The following LMBR1 variants were observed in gnomAD, a reference collection of about 807,000 sequenced individuals.
LMBR1 encodes limb region 1 protein homolog.
In LMBR1, 52 loss-of-function variants were observed where a neutral mutation model predicts 73.9. The ratio of observed to expected loss-of-function variants is 0.70; its 90% CI spans 0.56 to 0.89. The LOEUF (loss-of-function observed/expected upper bound fraction) is 0.89, where lower values mean the gene tolerates loss of function less well. LMBR1 is among the 40% of genes least tolerant of loss of function. The probability of loss-of-function intolerance (pLI) is 0.00; values close to 1 mark genes in which losing one functional copy is unlikely to be tolerated. For missense variants in LMBR1, 539 were observed against 579.8 expected (o/e 0.93, Z 0.72); for synonymous variants, 215 against 209.4 (o/e 1.03, Z -0.23).
At chr7:156,803,227 G>C (rs1044364069) in intron 4 of LMBR1, among the ~76,000 whole-genome samples, 1 of 151,940 alleles carries the variant, frequency 6.6e-6, no homozygotes, top group Non-Finnish European at 1.5e-5. Context: ...TTACAAAATG[G>C]GAGAAAATTT....
At chr7:156,855,666 C>CAAAAAAAAAAAAAAAAAA (rs35231167) in intron 1 of LMBR1, among the ~76,000 whole-genome samples, 3 of 87,296 alleles carry the variant, frequency 3.4e-5, no homozygotes, top group East Asian at 3.3e-4. Flanking sequence ...AACGTAAATA[C>CAAAAAAAAAAAAAAAAAA]AAAAAAAAAA....
intron 9 of LMBR1, among the ~76,000 whole-genome samples, chr7:156,744,344 T>A (rs933980214): frequency 1.5e-5 from 2 of 135,090 alleles, no homozygotes; most frequent in Admixed American, 1.4e-4. Context: ...TTGTAAGGGC[T>A]TTTTTTTTTT....
At chr7:156,739,844 C>A (rs773061199) in intron 9 of LMBR1, among the ~76,000 whole-genome samples, 1 of 152,064 alleles carries the variant, frequency 6.6e-6, no homozygotes, top group African/African-American at 2.4e-5. Flanking sequence ...CAGACACTGA[C>A]GAATATCCAC....
rs140474561 is a variant in LMBR1, at chr7:156,690,957, C to T, written c.1226-2766G>A. On this transcript the variant is annotated intron_variant, in intron 15 of 16. Transcript: ENST00000353442. Reference sequence around the variant, plus strand: ...AAATGTACTTTTAAAATTAAAAGCACCAACAATTAAGAAAAAATGGCAATA... The same window carrying T: ...AAATGTACTTTTAAAATTAAAAGCATCAACAATTAAGAAAAAATGGCAATA... Among the ~76,000 whole-genome samples the T allele has an allele frequency of 9.5e-4, 144 of 152,068 alleles. 1 individual carries two copies. The highest frequency in any genetic ancestry group is 2.7e-3 in the African/African-American group (113 of 41,500).
chr7:156,821,460 G>A (rs1834787740), intron 4 of LMBR1, among the ~76,000 whole-genome samples: 1 of 152,232 alleles, frequency 6.6e-6, no homozygotes, highest in African/African-American at 2.4e-5. Context: ...ACTCTCCGAT[G>A]GGCAGATCTA....
At chr7:156,850,392 GA>G (rs1379689993) in intron 1 of LMBR1, among the ~76,000 whole-genome samples, 1 of 152,162 alleles carries the variant, frequency 6.6e-6, no homozygotes, top group African/African-American at 2.4e-5. Flanking sequence ...GCACAAAACA[GA>G]CTAAGACAGC....
chr7:156,715,447 T>C (rs576000659), intron 15 of LMBR1, among the ~76,000 whole-genome samples: 1 of 152,348 alleles, frequency 6.6e-6, no homozygotes, highest in Non-Finnish European at 1.5e-5. Flanking sequence ...TGTTGTAGTA[T>C]GTACCCATTT....
intron 5 of LMBR1, among the ~76,000 whole-genome samples, chr7:156,786,399 T>C (rs1051580518): frequency 5.3e-5 from 8 of 152,094 alleles, no homozygotes; most frequent in Non-Finnish European, 1.0e-4. Flanking sequence ...TAAGAAATCA[T>C]AGGTAAGGGT....
At chr7:156,793,129 T>C (rs1829518184) in intron 5 of LMBR1, among the ~76,000 whole-genome samples, 1 of 152,226 alleles carries the variant, frequency 6.6e-6, no homozygotes, top group South Asian at 2.1e-4. Flanking sequence ...AACATTCTAA[T>C]GACTGTGATC....
At chr7:156,814,327 G>A (rs1380489892) in intron 4 of LMBR1, among the ~76,000 whole-genome samples, 1 of 152,150 alleles carries the variant, frequency 6.6e-6, no homozygotes, top group Non-Finnish European at 1.5e-5. Flanking sequence ...TTTACTAAGG[G>A]AAATAATGAA....
At chr7:156,851,044 T>C (rs961674901) in intron 1 of LMBR1, among the ~76,000 whole-genome samples, 2 of 152,178 alleles carry the variant, frequency 1.3e-5, no homozygotes, top group African/African-American at 4.8e-5. Context: ...CACCCGCCAC[T>C]TCACCTTCTG....
intron 4 of LMBR1, among the ~76,000 whole-genome samples, chr7:156,803,711 C>T (rs1397862923): frequency 1.3e-5 from 2 of 151,812 alleles, no homozygotes; most frequent in African/African-American, 2.4e-5. Flanking sequence ...TATTGTGGCA[C>T]TATTCACAAT....
rs780494539 is a variant in LMBR1 at position 156,688,155 on chromosome 7, C to G, written c.1262G>C (p.Arg421Thr). The G allele has an allele frequency of 5.6e-6, 9 of 1,606,354 alleles. No homozygotes were observed. The highest frequency in any genetic ancestry group is 7.6e-6 in the Non-Finnish European group (9 of 1,177,654). ...TRFDLLGDFG[R>T]FNWLGNFYIV... The stretch of plus-strand genomic sequence containing the variant: ...ATAGAAATTTCCCAGCCAATTAAAC[C>G]TTCCAAAGTCGCCAAGTAGATCAAA... The change falls in exon 16 of 17, where the codon AGG becomes ACG. Residue 421 changes from arginine (R) to threonine (T), a missense_variant. Arg to Thr is a moderately conservative substitution (Grantham distance 71). This residue lies in a region of LMBR1 where 16 missense variants were observed against 37.9 expected (regional missense o/e 0.42). Coordinates refer to ENST00000353442, the MANE Select transcript of LMBR1 (RefSeq NM_022458.4).
intron 11 of LMBR1, among the ~76,000 whole-genome samples, chr7:156,728,274 AACTCCACAG>A (rs1425459690): frequency 6.6e-6 from 1 of 152,216 alleles, no homozygotes; most frequent in Non-Finnish European, 1.5e-5. Context: ...GGAAACACAC[AACTCCACAG>A]ACTTAAAAAA....
intron 8 of LMBR1, among the ~76,000 whole-genome samples, chr7:156,757,381 A>G (rs1001225136): frequency 6.6e-6 from 1 of 152,228 alleles, no homozygotes; most frequent in African/African-American, 2.4e-5. Flanking sequence ...AAAATCATCC[A>G]ATAGACCAAA....
At chr7:156,808,141 A>G (rs973586970) in intron 4 of LMBR1, among the ~76,000 whole-genome samples, 1 of 152,200 alleles carries the variant, frequency 6.6e-6, no homozygotes, top group African/African-American at 2.4e-5. Context: ...TGATAGTATT[A>G]TTCAAATCTT....
At chr7:156,827,168 C>A (rs1475264698) in intron 3 of LMBR1, among the ~76,000 whole-genome samples, 1 of 151,764 alleles carries the variant, frequency 6.6e-6, no homozygotes, top group East Asian at 1.9e-4. Context: ...TATAAAAAAA[C>A]AAATTAATTT....
chr7:156,718,054 G>A (rs557190860), intron 15 of LMBR1, among the ~76,000 whole-genome samples: 1 of 152,242 alleles, frequency 6.6e-6, no homozygotes, highest in African/African-American at 2.4e-5. Flanking sequence ...TCCTACAAAT[G>A]AAATAATTTG....
intron 4 of LMBR1, among the ~76,000 whole-genome samples, chr7:156,815,874 GAGA>G (rs1833832464): frequency 6.6e-6 from 1 of 151,978 alleles, no homozygotes; most frequent in South Asian, 2.1e-4. Context: ...TTAACATCCA[GAGA>G]AGAATTTGAA....
Sources: allele counts gnomAD v4.1 joint callset (sites outside exome capture counted in the v4.1 genomes callset), GRCh38; gene constraint gnomAD v4.1.1; regional missense constraint gnomAD v4.1.1; transcripts MANE v1.5; gene names NCBI Gene and HGNC (gene_info 2026-07-23, HGNC 2026-07-21).